LRP5: variants seen among roughly 807,000 people sequenced by gnomAD.
LRP5 encodes low-density lipoprotein receptor-related protein 5.
A neutral mutation model predicts 154.1 loss-of-function variants in LRP5; 62 were observed. The observed-to-expected ratio is 0.40, with a 90% CI of 0.33 to 0.50. The LOEUF is 0.50. LRP5 is among the 20% of genes least tolerant of loss of function. The pLI, the probability that LRP5 is intolerant of heterozygous loss-of-function variation, is 0.55. For synonymous variants in LRP5, 966 were observed against 1,011.5 expected (o/e 0.96, Z 0.85); for missense variants, 1,915 against 2,336.7 (o/e 0.82, Z 3.72).
chr11:68,339,960 A>G (rs1396322375), intron 1 of LRP5, among the ~76,000 whole-genome samples: 4 of 152,072 alleles, frequency 2.6e-5, no homozygotes, highest in African/African-American at 4.8e-5. Flanking sequence ...GCAGTTGTCA[A>G]CTGGGCTTGG....
intron 7 of LRP5, among the ~76,000 whole-genome samples, chr11:68,391,169 A>G (rs1591267857): frequency 6.6e-6 from 1 of 152,122 alleles, no homozygotes; most frequent in East Asian, 1.9e-4. Context: ...GGGTTTCACC[A>G]TGTTGGTCAG....
At chr11:68,417,824 A>G (rs1209512195) in intron 13 of LRP5, among the ~76,000 whole-genome samples, 1 of 151,498 alleles carries the variant, frequency 6.6e-6, no homozygotes, top group Non-Finnish European at 1.5e-5. Flanking sequence ...AATCCCAGCT[A>G]CTCAGGAGGC....
chr11:68,395,130 G>A (rs1428368762), intron 7 of LRP5, among the ~76,000 whole-genome samples: 4 of 151,966 alleles, frequency 2.6e-5, no homozygotes, highest in Admixed American at 1.3e-4. Context: ...GTGAGACCCC[G>A]TCTCTACTAA....
At chr11:68,435,689 C>G (rs181034429) in intron 18 of LRP5, among the ~76,000 whole-genome samples, 3 of 152,288 alleles carry the variant, frequency 2.0e-5, no homozygotes, top group Admixed American at 6.5e-5. Context: ...CTGTTCTATG[C>G]TATGCTATGC....
At chr11:68,351,355 C>T (rs1406353344) in intron 2 of LRP5, among the ~76,000 whole-genome samples, 3 of 152,154 alleles carry the variant, frequency 2.0e-5, no homozygotes, top group African/African-American at 7.2e-5. Flanking sequence ...GAACTGTTGC[C>T]CTCTCAGCCC....
At chr11:68,436,509 T>C (rs2098675000) in intron 18 of LRP5, among the ~76,000 whole-genome samples, 1 of 151,648 alleles carries the variant, frequency 6.6e-6, no homozygotes, top group Admixed American at 6.6e-5. Context: ...GCCCCCACTC[T>C]CGGGAGGCGA....
intron 6 of LRP5, among the ~76,000 whole-genome samples, chr11:68,388,312 G>C (rs2098644141): frequency 1.3e-5 from 2 of 152,094 alleles, no homozygotes; most frequent in Admixed American, 1.3e-4. Context: ...GTCTACATGG[G>C]CCTCGGTGTC....
At chr11:68,370,015 C>T (rs1343403217) in intron 5 of LRP5, among the ~76,000 whole-genome samples, 1 of 152,160 alleles carries the variant, frequency 6.6e-6, no homozygotes, top group Admixed American at 6.5e-5. Context: ...GTGCCAGGCC[C>T]GTGAGAGCTG....
rs954913348 is a variant in LRP5, at chr11:68,413,057, G to A, written c.2504-632G>A. ...GTGAGGCCAGTAGCAAGGTTTGCAC[G>A]TGACTTCGTGACCGTCACCCAGCTC... On this transcript the variant is annotated intron_variant, in intron 11 of 22. Coordinates refer to ENST00000294304, the MANE Select transcript of LRP5 (RefSeq NM_002335.4). The surrounding 1 kb of genome is among the most constrained non-coding windows in gnomAD (Gnocchi z 5.1). 3 of 185,454 alleles carry A rather than the reference G, an allele frequency of 1.6e-5. No homozygotes were observed. Among genetic ancestry groups the A allele is most frequent in the East Asian group, 8.9e-5 (1 of 11,228 alleles). The allele number at this position is 185,454 out of a possible 1,614,324, so 11.5% of individuals were successfully genotyped here. A position where few individuals can be genotyped will look rare whatever the true frequency, so the allele number is the denominator to read the frequency against.
intron 1 of LRP5, among the ~76,000 whole-genome samples, chr11:68,345,091 G>A (rs1320655887): frequency 6.6e-6 from 1 of 151,668 alleles, no homozygotes; most frequent in Non-Finnish European, 1.5e-5. Context: ...TTGAATTCCT[G>A]ACTTCAGGTG....
chr11:68,302,050 G>A, the LRP5 span, among the ~76,000 whole-genome samples: 23 of 151,880 alleles, frequency 1.5e-4, no homozygotes, highest in Non-Finnish European at 3.1e-4. Context: ...GATGTGCTGA[G>A]GCATGGTTTA....
chr11:68,387,533 A>G (rs1591263054), intron 6 of LRP5, among the ~76,000 whole-genome samples: 4 of 152,282 alleles, frequency 2.6e-5, no homozygotes, highest in East Asian at 3.9e-4. Context: ...GCCCAGGGTC[A>G]CACAGCAGGA....
chr11:68,422,826 C>T (rs1340004499), intron 13 of LRP5, among the ~76,000 whole-genome samples: 2 of 150,108 alleles, frequency 1.3e-5, no homozygotes, highest in Admixed American at 6.6e-5. Context: ...CCCACCCTCA[C>T]CTCCCCTGTA....
At chr11:68,370,899 G>T (rs900774819) in intron 5 of LRP5, among the ~76,000 whole-genome samples, 1 of 152,162 alleles carries the variant, frequency 6.6e-6, no homozygotes, top group African/African-American at 2.4e-5. Flanking sequence ...TCAAAGGGAG[G>T]AAAAAGCTCC....
At chr11:68,385,502 C>T (rs1481811581) in intron 5 of LRP5, among the ~76,000 whole-genome samples, 3 of 152,140 alleles carry the variant, frequency 2.0e-5, no homozygotes, top group African/African-American at 4.8e-5. Context: ...GTGGAGGCCG[C>T]GGTGCAGCCC....
intron 1 of LRP5, 49 bp from the exon 2 acceptor site, chr11:68,347,798 A>G (rs964567252): frequency 1.2e-6 from 2 of 1,607,312 alleles, no homozygotes; most frequent in Non-Finnish European, 8.5e-7. Context: ...AGGGCTGTGT[A>G]TCTTGCTGGC....
intron 7 of LRP5, among the ~76,000 whole-genome samples, chr11:68,392,110 A>G (rs1357200087): frequency 1.3e-5 from 2 of 152,192 alleles, no homozygotes; most frequent in Non-Finnish European, 2.9e-5. Context: ...CGGCCTCCCA[A>G]AGTGCTGGGA....
At chr11:68,407,327 C>T (rs1319330720) in intron 9 of LRP5, among the ~76,000 whole-genome samples, 2 of 151,810 alleles carry the variant, frequency 1.3e-5, no homozygotes, top group African/African-American at 4.8e-5. Context: ...CACCACCACA[C>T]CCAGCTAATT....
chr11:68,301,261 T>C, the LRP5 span, among the ~76,000 whole-genome samples: 56 of 149,466 alleles, frequency 3.7e-4, 9 homozygotes, highest in Non-Finnish European at 6.8e-4. Flanking sequence ...AATTTTATTA[T>C]CTAGATTCAA....
Sources: allele counts gnomAD v4.1 joint callset (sites outside exome capture counted in the v4.1 genomes callset), GRCh38; gene constraint gnomAD v4.1.1; non-coding constraint Gnocchi (gnomAD v3.1); transcripts MANE v1.5; gene names NCBI Gene and HGNC (gene_info 2026-07-23, HGNC 2026-07-21).